Variants in MED27 observed in about 807,000 individuals in gnomAD.
MED27 encodes the protein mediator of RNA polymerase II transcription subunit 27.
In MED27, 30 loss-of-function variants were observed where a neutral mutation model predicts 38.2. That is an observed-to-expected ratio of 0.79 (90% CI 0.59 to 1.07). The LOEUF is 1.07. Ranked by LOEUF, MED27 falls within the 50% of genes least tolerant of loss-of-function variation. MED27 has a pLI of 0.00. For missense variants in MED27, 289 were observed against 397.5 expected, an observed-to-expected ratio of 0.73 and a Z score of 2.32; for synonymous variants, 122 against 153.5, an observed-to-expected ratio of 0.79 and a Z score of 1.52.
Position 131,901,045 on chromosome 9 carries a change from G to A in MED27, c.574-7053C>T, listed in dbSNP as rs910387792. On this transcript the variant is annotated intron_variant, in intron 4 of 7. Transcript: ENST00000292035. ...GGAGAGGGGGGAGAGAAAGAAAGAG[G>A]GGGAGAGAGAGGTGAGAGAGACAGA... Among the ~76,000 whole-genome samples, 3 of 142,142 alleles carry A rather than the reference G, an allele frequency of 2.1e-5. No individual in the cohort carries two copies. The South Asian group carries it at 7.4e-4, about 35-fold the overall frequency. The allele number at this position is 142,142 out of a possible 152,430, so 93.3% of individuals were successfully genotyped here.
intron 4 of MED27, among the ~76,000 whole-genome samples, chr9:131,937,359 A>C (rs1451153889): frequency 6.6e-6 from 1 of 152,170 alleles, no homozygotes; most frequent in Non-Finnish European, 1.5e-5. Context: ...AAAGGTAACA[A>C]GTAGGCACCT....
intron 4 of MED27, among the ~76,000 whole-genome samples, chr9:131,919,096 AGAGTAGG>A (rs1186261702): frequency 1.3e-5 from 2 of 152,194 alleles, no homozygotes; most frequent in Non-Finnish European, 2.9e-5. Context: ...AGCAATTTCA[AGAGTAGG>A]GAGTAGGGAG....
rs943549416 is a variant in MED27, at chr9:131,885,102, T to C, written c.682-1003A>G. Among the ~76,000 whole-genome samples the C allele has an allele frequency of 3.3e-5, 5 of 152,076 alleles. No homozygotes were observed. The East Asian group carries it at 9.7e-4, about 29-fold the overall frequency. Reference sequence around the variant, plus strand: ...CTGGCATGTTGTGGGCATCAGTAGGTCTTTTCTGAGTGGAGGAAAGCTGGC... The same window carrying C: ...CTGGCATGTTGTGGGCATCAGTAGGCCTTTTCTGAGTGGAGGAAAGCTGGC... On this transcript the variant is annotated intron_variant, in intron 5 of 7. Transcript: ENST00000292035.
intron 2 of MED27, among the ~76,000 whole-genome samples, chr9:132,047,943 C>T (rs1833378260): frequency 6.6e-6 from 1 of 152,026 alleles, no homozygotes. Flanking sequence ...CCCATTTATG[C>T]CTAGTGTTCC....
At chr9:131,899,730 T>G (rs867769530) in intron 4 of MED27, among the ~76,000 whole-genome samples, 1 of 152,150 alleles carries the variant, frequency 6.6e-6, no homozygotes, top group African/African-American at 2.4e-5. Context: ...TGGTGTGCGC[T>G]CTCTAGCAGA....
At chr9:131,958,876 C>T (rs1007088249) in intron 3 of MED27, among the ~76,000 whole-genome samples, 11 of 152,306 alleles carry the variant, frequency 7.2e-5, no homozygotes, top group Admixed American at 3.9e-4. Flanking sequence ...GGAGAGGAGA[C>T]GCAGACTCCA....
At chr9:132,039,893 T>C (rs770203653) in intron 2 of MED27, among the ~76,000 whole-genome samples, 3 of 152,228 alleles carry the variant, frequency 2.0e-5, no homozygotes, top group Non-Finnish European at 4.4e-5. Context: ...TAAAAGATAG[T>C]ACTTCTGTGG....
intron 4 of MED27, among the ~76,000 whole-genome samples, chr9:131,908,782 T>C (rs1428255931): frequency 6.6e-6 from 1 of 152,088 alleles, no homozygotes; most frequent in Non-Finnish European, 1.5e-5. Flanking sequence ...CAGAGACCTT[T>C]GTTCACTTGT....
At chr9:131,882,348 T>C (rs1040873114) in intron 6 of MED27, among the ~76,000 whole-genome samples, 6 of 152,180 alleles carry the variant, frequency 3.9e-5, no homozygotes, top group African/African-American at 1.4e-4. Context: ...GATTTTCTTG[T>C]GGGGTAAGGA....
At chr9:131,869,272 A>C in intron 6 of MED27, 7 of 985,240 alleles carry the variant, frequency 7.1e-6, no homozygotes, top group Non-Finnish European at 8.4e-6. Context: ...AACTTCACCT[A>C]CAGTGATCTT....
chr9:132,014,283 T>C, intron 3 of MED27, 54 bp downstream of exon 3: 3 of 1,544,160 alleles, frequency 1.9e-6, no homozygotes, highest in Admixed American at 2.0e-5. Flanking sequence ...AAAACAAGTA[T>C]AAAGTAAAAA....
chr9:131,986,656 GC>G (rs1377918744), intron 3 of MED27, among the ~76,000 whole-genome samples: 1 of 152,154 alleles, frequency 6.6e-6, no homozygotes, highest in African/African-American at 2.4e-5. Context: ...GCCTAGGTGT[GC>G]CGTGGGTTCT....
At chr9:131,907,374 C>T (rs549310374) in intron 4 of MED27, among the ~76,000 whole-genome samples, 31 of 152,310 alleles carry the variant, frequency 2.0e-4, no homozygotes, top group African/African-American at 5.3e-4. Context: ...CGCGCCGCCA[C>T]GCCTGACTGG....
intron 2 of MED27, among the ~76,000 whole-genome samples, chr9:132,016,179 TG>T (rs1832598896): frequency 6.6e-6 from 1 of 152,190 alleles, no homozygotes; most frequent in Admixed American, 6.5e-5. Flanking sequence ...GCCATAGGGC[TG>T]CATGCAAATA....
At chr9:131,990,842 C>G (rs1202606661) in intron 3 of MED27, among the ~76,000 whole-genome samples, 1 of 152,228 alleles carries the variant, frequency 6.6e-6, no homozygotes, top group Non-Finnish European at 1.5e-5. Context: ...TCACCAGGAA[C>G]AGTATTCTCT....
In MED27 at chr9:131,893,986, A is replaced by C. The variant is rs1829777131; in HGVS notation, c.580T>G (p.Leu194Val). 3.1e-6 allele frequency: 5 copies of C among 1,613,968 alleles called. No homozygotes were observed. Among genetic ancestry groups the C allele is most frequent in the Non-Finnish European group, 4.2e-6 (5 of 1,179,852 alleles). The change falls in exon 5 of 8, where the codon TTG (leucine) becomes GTG (valine). Residue 194 changes from leucine to valine, a missense_variant. Leu to Val is a conservative substitution (Grantham distance 32). Coordinates refer to ENST00000292035, the MANE Select transcript of MED27 (RefSeq NM_004269.4). ...NGTSAMLLVT[L>V]GKVLKVIVVM... Reference sequence around the variant, plus strand: ...ACGATCACTTTCAACACCTTTCCCAAGGTCACCTGCCAAAACACATGTAAG... The same window carrying C: ...ACGATCACTTTCAACACCTTTCCCACGGTCACCTGCCAAAACACATGTAAG...
intron 3 of MED27, among the ~76,000 whole-genome samples, chr9:131,954,612 T>C (rs748043810): frequency 2.0e-5 from 3 of 152,108 alleles, no homozygotes; most frequent in Non-Finnish European, 4.4e-5. Context: ...TTTTATATTG[T>C]ATATCAGAGG....
At chr9:132,029,265 C>T (rs900588741) in intron 2 of MED27, among the ~76,000 whole-genome samples, 2 of 152,326 alleles carry the variant, frequency 1.3e-5, no homozygotes, top group Non-Finnish European at 2.9e-5. Flanking sequence ...AAATACAGAA[C>T]ATGCATTGCA....
chr9:131,980,054 T>G lies in MED27; in HGVS notation c.479+34283A>C, dbSNP rs186383203. Among the ~76,000 whole-genome samples, 4 of 152,268 alleles carry G rather than the reference T, an allele frequency of 2.6e-5. No individual in the cohort carries two copies. The East Asian group carries it at 5.8e-4, about 22-fold the overall frequency. Reference sequence around the variant, plus strand: ...GAATTGCCAAAAGCACAGATATACCTCTAACAAGAAAATTGTTATTTCTTG... The same window carrying G: ...GAATTGCCAAAAGCACAGATATACCGCTAACAAGAAAATTGTTATTTCTTG... On this transcript the variant is annotated intron_variant, in intron 3 of 7. Transcript: ENST00000292035.
Sources: gnomAD v4.1 joint callset for allele counts (sites outside exome capture counted in the v4.1 genomes callset) on GRCh38, gnomAD v4.1.1 for gene constraint, MANE v1.5 for transcripts, NCBI Gene and HGNC (gene_info 2026-07-23, HGNC 2026-07-21) for gene names.